IFNAR2: variants seen among roughly 807,000 people sequenced by gnomAD.
IFNAR2 encodes the protein interferon alpha/beta receptor 2.
IFNAR2 carries 30 observed loss-of-function variants against 49.4 expected under a neutral mutation model. That is an observed-to-expected ratio of 0.61 (90% CI 0.45 to 0.82). The LOEUF is 0.82. IFNAR2 is among the 40% of genes least tolerant of loss of function. IFNAR2 has a pLI of 0.00. For synonymous variants in IFNAR2, 224 were observed against 234.5 expected, an observed-to-expected ratio of 0.96 and a Z score of 0.41; for missense variants, 600 against 622.7, an observed-to-expected ratio of 0.96 and a Z score of 0.39.
At chr21:33,243,895 C>T (rs1460297940) in intron 3 of IFNAR2, among the ~76,000 whole-genome samples, 181 bp downstream of exon 3, 1 of 152,070 alleles carries the variant, frequency 6.6e-6, no homozygotes, top group Admixed American at 6.6e-5. Context: ...TTGAGAGATA[C>T]AAAACTAGTC....
At chr21:33,247,766 C>T (rs143115545) in intron 5 of IFNAR2, among the ~76,000 whole-genome samples, 1 of 152,330 alleles carries the variant, frequency 6.6e-6, no homozygotes, top group African/African-American at 2.4e-5. Flanking sequence ...TTCAATTTCC[C>T]ACTTTACAAC....
intron 3 of IFNAR2, 40 bp downstream of exon 3, chr21:33,243,754 A>C: frequency 1.4e-6 from 2 of 1,439,798 alleles, no homozygotes; most frequent in Non-Finnish European, 2.0e-6. Flanking sequence ...TTTGTATAAG[A>C]GTGAAAGTGT....
At chr21:33,249,709 T>TGTA (rs1987708256) in intron 6 of IFNAR2, among the ~76,000 whole-genome samples, 1 of 152,136 alleles carries the variant, frequency 6.6e-6, no homozygotes, top group South Asian at 2.1e-4. Context: ...CTCTCACCGG[T>TGTA]GTAGCAGCAG....
At chr21:33,240,821 A>C (rs1307625875) in intron 1 of IFNAR2, among the ~76,000 whole-genome samples, 2 of 151,732 alleles carry the variant, frequency 1.3e-5, no homozygotes, top group East Asian at 1.9e-4. Flanking sequence ...TCTCAAAAAA[A>C]AAAAAAAGTT....
At position 33,263,552 on chromosome 21, in the gene IFNAR2, G is replaced by A. The variant is rs574561112; in HGVS notation, c.*52G>A. The A allele has an allele frequency of 6.6e-7, 1 of 1,514,870 alleles. No homozygotes were observed. The highest frequency in any genetic ancestry group is 8.8e-7 in the Non-Finnish European group (1 of 1,132,614). 93.8% of individuals were successfully genotyped at this position (1,514,870 alleles called of 1,614,324 possible). On this transcript the variant is annotated 3_prime_UTR_variant, in exon 9 of 9. Coordinates refer to ENST00000342136, the MANE Select transcript of IFNAR2 (RefSeq NM_001289125.3). ...CAGACAAGCACCTACAGGGTTCTTT[G>A]TCTCTGCATCCTAACTTGCTGCCTT...
intron 6 of IFNAR2, among the ~76,000 whole-genome samples, chr21:33,250,197 T>C (rs1987740904): frequency 6.6e-6 from 1 of 152,156 alleles, no homozygotes; most frequent in Admixed American, 6.5e-5. Context: ...GGAGCAAAAA[T>C]GGGTGAAAAA....
chr21:33,238,385 T>C (rs1986642269), intron 1 of IFNAR2, among the ~76,000 whole-genome samples: 1 of 152,218 alleles, frequency 6.6e-6, no homozygotes, highest in South Asian at 2.1e-4. Flanking sequence ...ATGACAAGTC[T>C]GCGATTTCAT....
chr21:33,243,804 A>G (rs1987181290), intron 3 of IFNAR2, 90 bp downstream of exon 3: 2 of 931,412 alleles, frequency 2.1e-6, no homozygotes, highest in Non-Finnish European at 3.6e-6. Flanking sequence ...GGGAGATTTG[A>G]TTTCTGATTG....
intron 2 of IFNAR2, among the ~76,000 whole-genome samples, chr21:33,243,160 G>A (rs1302805286): frequency 6.6e-6 from 1 of 151,336 alleles, no homozygotes; most frequent in Non-Finnish European, 1.5e-5. Flanking sequence ...TCACCTCACT[G>A]CAGCCTCCGC....
intron 1 of IFNAR2, chr21:33,232,970 C>T (rs778085682): frequency 1.2e-5 from 12 of 980,868 alleles, no homozygotes; most frequent in South Asian, 9.4e-5. Context: ...GATTGCAAGA[C>T]GTCTTACTAA....
At chr21:33,236,936 C>A in intron 1 of IFNAR2, 1 of 924,900 alleles carries the variant, frequency 1.1e-6, no homozygotes, top group South Asian at 5.0e-5. Flanking sequence ...GCTCCATTAA[C>A]AATTTAGGCA....
At chr21:33,250,754 G>A (rs1383590790) in intron 6 of IFNAR2, among the ~76,000 whole-genome samples, 2 of 152,174 alleles carry the variant, frequency 1.3e-5, no homozygotes, top group African/African-American at 2.4e-5. Flanking sequence ...GGCCAGGCTG[G>A]TGTTGAACTC....
At chr21:33,251,248 G>T (rs1409470196) in intron 6 of IFNAR2, among the ~76,000 whole-genome samples, 1 of 152,230 alleles carries the variant, frequency 6.6e-6, no homozygotes, top group African/African-American at 2.4e-5. Context: ...AGGGAGAGAA[G>T]CAGGTGAGAG....
chr21:33,263,551 T>G lies in IFNAR2; in HGVS notation c.*51T>G. On this transcript the variant is annotated 3_prime_UTR_variant, in exon 9 of 9. Transcript: ENST00000342136. ...ACAGACAAGCACCTACAGGGTTCTT[T>G]GTCTCTGCATCCTAACTTGCTGCCT... 1 of 1,514,954 alleles carries G rather than the reference T, an allele frequency of 6.6e-7. No homozygotes were observed. Among genetic ancestry groups the G allele is most frequent in the Non-Finnish European group, 8.8e-7 (1 of 1,132,474 alleles). The allele number at this position is 1,514,954 out of a possible 1,614,324, so 93.8% of individuals were successfully genotyped here.
At chr21:33,231,275 C>T (rs1413500090) in intron 1 of IFNAR2, among the ~76,000 whole-genome samples, 2 of 152,122 alleles carry the variant, frequency 1.3e-5, no homozygotes, top group Non-Finnish European at 2.9e-5. Flanking sequence ...GGAAAATATT[C>T]GATAAACACT....
In IFNAR2 at chr21:33,230,272, GA is replaced by G; in HGVS notation, c.-84+60del. 1.8e-6 allele frequency: 2 copies of G among 1,102,416 alleles called. No homozygotes were observed. The highest frequency in any genetic ancestry group is 1.9e-5 in the South Asian group (1 of 52,550). 68.3% of individuals were successfully genotyped at this position (1,102,416 alleles called of 1,614,324 possible). On this transcript the variant is annotated intron_variant, in intron 1 of 8. Transcript: ENST00000342136. The surrounding 1 kb of genome is among the most constrained non-coding windows in gnomAD (Gnocchi z 5.5). ...GAGCGCGTGGCCAGCTGACTGGAGG[GA>G]AAACGCCGCCTCCCTGCAGCGGTTC...
intron 1 of IFNAR2, among the ~76,000 whole-genome samples, chr21:33,239,831 A>T (rs1278548379): frequency 2.1e-5 from 2 of 96,202 alleles, no homozygotes; most frequent in Admixed American, 2.1e-4. Context: ...CAGAGTGGTC[A>T]CAGCCCTCAA....
chr21:33,261,706 C>A (rs1960856437), intron 8 of IFNAR2, among the ~76,000 whole-genome samples: 1 of 151,978 alleles, frequency 6.6e-6, no homozygotes, highest in South Asian at 2.1e-4. Flanking sequence ...GAAACCTTGT[C>A]TTAGAGAAAA....
chr21:33,234,569 G>A (rs553954087), intron 1 of IFNAR2, among the ~76,000 whole-genome samples: 10 of 152,188 alleles, frequency 6.6e-5, no homozygotes, highest in Admixed American at 3.3e-4. Flanking sequence ...ATGAGGCAGC[G>A]AGTTCCTGGA....
Sources: gnomAD v4.1 joint callset for allele counts (sites outside exome capture counted in the v4.1 genomes callset) on GRCh38, gnomAD v4.1.1 for gene constraint, Gnocchi (gnomAD v3.1) non-coding constraint, MANE v1.5 for transcripts, NCBI Gene and HGNC (gene_info 2026-07-23, HGNC 2026-07-21) for gene names.